Variants in XIRP2 observed in about 807,000 individuals in gnomAD.
XIRP2 encodes the protein xin actin-binding repeat-containing protein 2.
Under a neutral mutation model 277.0 loss-of-function variants are expected in XIRP2, and 236 were observed. The ratio of observed to expected loss-of-function variants is 0.85; its 90% CI spans 0.77 to 0.95. XIRP2 has a LOEUF of 0.95. Ranked by LOEUF, XIRP2 falls within the 40% of genes least tolerant of loss-of-function variation. The probability of loss-of-function intolerance (pLI) is 0.00; values close to 1 mark genes in which losing one functional copy is unlikely to be tolerated. For synonymous variants in XIRP2, 1,490 were observed against 1,416.5 expected, an observed-to-expected ratio of 1.05 and a Z score of -1.17; for missense variants, 4,640 against 4,157.5, an observed-to-expected ratio of 1.12 and a Z score of -3.19.
rs541297989 is a variant in XIRP2, at chr2:166,913,947, G to A, written c.408+10057G>A. On this transcript the variant is annotated intron_variant, in intron 2 of 10. Coordinates refer to ENST00000409195, the MANE Select transcript of XIRP2 (RefSeq NM_152381.6). Reference sequence around the variant, plus strand: ...TACTCTGGTGATAGTTATTTTGATAGGCAGAATAACAAAAGTCTCCCAAAG... The same window carrying A: ...TACTCTGGTGATAGTTATTTTGATAAGCAGAATAACAAAAGTCTCCCAAAG... Among the ~76,000 whole-genome samples the A allele has an allele frequency of 6.9e-4, 105 of 152,250 alleles. 3 individuals are homozygous for A. In the South Asian group the frequency reaches 0.012, roughly 17 times the overall value.
chr2:167,140,649 C>T (rs1339143523), intron 3 of XIRP2, among the ~76,000 whole-genome samples: 1 of 152,092 alleles, frequency 6.6e-6, no homozygotes, highest in Non-Finnish European at 1.5e-5. Context: ...ATTTCATGCC[C>T]CAAATAATGT....
chr2:167,120,956 AC>A (rs1402063737), intron 2 of XIRP2, among the ~76,000 whole-genome samples: 1 of 152,164 alleles, frequency 6.6e-6, no homozygotes, highest in African/African-American at 2.4e-5. Flanking sequence ...TGGGGTAGCT[AC>A]CATGTATTGA....
intron 2 of XIRP2, chr2:167,124,414 A>G (rs1047508504): frequency 2.0e-5 from 3 of 152,182 alleles, no homozygotes; most frequent in Non-Finnish European, 4.4e-5. Flanking sequence ...CTCTAGAAGA[A>G]GTGTCTTCAC....
chr2:167,020,570 G>A (rs1347236886), intron 2 of XIRP2, among the ~76,000 whole-genome samples: 1 of 151,914 alleles, frequency 6.6e-6, no homozygotes, highest in African/African-American at 2.4e-5. Context: ...TGTATAAATT[G>A]TTTGTGTGTG....
chr2:167,141,164 T>A (rs564360065), intron 3 of XIRP2, among the ~76,000 whole-genome samples: 1 of 152,320 alleles, frequency 6.6e-6, no homozygotes, highest in African/African-American at 2.4e-5. Context: ...TCATTCACTT[T>A]ACTACCCTGA....
intron 5 of XIRP2, among the ~76,000 whole-genome samples, chr2:167,227,946 T>C (rs57270001): frequency 0.018 from 2,788 of 152,244 alleles, 52 homozygotes; most frequent in African/African-American, 0.047. Context: ...ATCTAACGTG[T>C]CTTGGGTTTG....
At chr2:167,221,319 C>T (rs1179601698) in intron 5 of XIRP2, among the ~76,000 whole-genome samples, 1 of 151,824 alleles carries the variant, frequency 6.6e-6, no homozygotes, top group Non-Finnish European at 1.5e-5. Context: ...ATAAAATTAG[C>T]CAGGTGTGGT....
chr2:167,028,284 A>G (rs1688230716), intron 2 of XIRP2, among the ~76,000 whole-genome samples: 1 of 152,076 alleles, frequency 6.6e-6, no homozygotes, highest in Non-Finnish European at 1.5e-5. Context: ...ACCTCAAGAT[A>G]GTATGTATGG....
chr2:167,131,874 A>G (rs1691387998), intron 2 of XIRP2, among the ~76,000 whole-genome samples: 2 of 152,076 alleles, frequency 1.3e-5, no homozygotes, highest in African/African-American at 4.8e-5. Context: ...CCAACTCATG[A>G]TCTATCATCT....
In XIRP2 at chr2:166,903,860, T is replaced by G. The variant is rs376019989; in HGVS notation, c.378T>G (p.Ser126Arg). 136 of 1,612,980 alleles carry G rather than the reference T, an allele frequency of 8.4e-5. No homozygotes were observed. Among genetic ancestry groups the G allele is most frequent in the Non-Finnish European group, 1.1e-4 (133 of 1,179,498 alleles). The change falls in exon 2 of 11, where the codon AGT becomes AGG. Residue 126 changes from serine (S) to arginine (R), a missense_variant. Coordinates refer to ENST00000409195, the MANE Select transcript of XIRP2 (RefSeq NM_152381.6). ...ELRSVFEAPK[S>R]GNKPAEYGGK... ...GGAGTGTGTTTGAGGCTCCTAAGAG[T>G]GGAAACAAACCAGCTGAGTACGGTG...
chr2:167,000,082 A>T (rs1687324665), intron 2 of XIRP2, among the ~76,000 whole-genome samples: 1 of 152,208 alleles, frequency 6.6e-6, no homozygotes, highest in Non-Finnish European at 1.5e-5. Flanking sequence ...AGTGTAAAAC[A>T]AATTGCCCAC....
At chr2:167,215,685 T>C (rs921017570) in intron 4 of XIRP2, among the ~76,000 whole-genome samples, 2 of 152,140 alleles carry the variant, frequency 1.3e-5, no homozygotes, top group African/African-American at 4.8e-5. Flanking sequence ...AGACCTGCTC[T>C]GATTTGAAGT....
intron 3 of XIRP2, chr2:167,187,392 G>A (rs965395588): frequency 7.1e-6 from 7 of 985,166 alleles, no homozygotes; most frequent in South Asian, 4.7e-5. Context: ...TCAGTGGAGC[G>A]GGCCTCCACT....
intron 2 of XIRP2, among the ~76,000 whole-genome samples, chr2:167,025,700 A>T (rs1688132070): frequency 6.6e-6 from 1 of 151,998 alleles, no homozygotes; most frequent in Non-Finnish European, 1.5e-5. Context: ...GTCTGCCTTC[A>T]TTTCGTTATG....
At position 167,132,511 on chromosome 2, in the gene XIRP2, TACACACAC is replaced by T. The variant is rs35636231; in HGVS notation, c.409-3367_409-3360del. Among the ~76,000 whole-genome samples the T allele has an allele frequency of 2.5e-3, 363 of 146,330 alleles. 1 individual carries two copies. Among genetic ancestry groups the T allele is most frequent in the Middle Eastern group, 0.017 (5 of 288 alleles). On this transcript the variant is annotated intron_variant, in intron 2 of 10. Transcript: ENST00000409195. ...TGATTATGTCATGTGTGCATGTGTA[TACACACAC>T]ACACACACACACACACACACACACA... is the stretch of plus-strand genomic sequence containing the variant.
intron 2 of XIRP2, among the ~76,000 whole-genome samples, 172 bp from the exon 3 acceptor site, chr2:167,135,737 T>C (rs1020155669): frequency 1.3e-5 from 2 of 152,178 alleles, no homozygotes; most frequent in Non-Finnish European, 2.9e-5. Flanking sequence ...CGTTCAGATA[T>C]ATGTTTGCAG....
chr2:167,149,639 C>A (rs6740526), intron 3 of XIRP2, among the ~76,000 whole-genome samples: 41,278 of 151,310 alleles, frequency 0.27, 7,068 homozygotes, highest in African/African-American at 0.5. Context: ...TTAAAAGCTA[C>A]ATATAAAAAT....
At chr2:167,187,642 A>G in intron 3 of XIRP2, 3 of 766,570 alleles carry the variant, frequency 3.9e-6, no homozygotes, top group Non-Finnish European at 4.8e-6. Flanking sequence ...TCATTGTAAA[A>G]GAAAATATCC....
intron 2 of XIRP2, among the ~76,000 whole-genome samples, chr2:167,075,358 C>T (rs967155826): frequency 2.6e-5 from 4 of 152,052 alleles, no homozygotes; most frequent in Non-Finnish European, 4.4e-5. Context: ...CTGGGAAAAC[C>T]ATATCAAAGG....
Sources: allele counts gnomAD v4.1 joint callset (sites outside exome capture counted in the v4.1 genomes callset), GRCh38; gene constraint gnomAD v4.1.1; transcripts MANE v1.5; gene names NCBI Gene and HGNC (gene_info 2026-07-23, HGNC 2026-07-21).